Variants in CYYR1 observed in about 807,000 individuals in gnomAD.
CYYR1 encodes cysteine and tyrosine rich 1, also known as cysteine and tyrosine-rich protein 1.
Under a neutral mutation model 15.2 loss-of-function variants are expected in CYYR1, and 14 were observed. That is an observed-to-expected ratio of 0.92 (90% CI 0.61 to 1.44). CYYR1 has a LOEUF of 1.44. CYYR1 is among the 40% of genes most tolerant of loss of function. CYYR1 has a pLI of 0.00. For missense variants in CYYR1, 228 were observed against 209.5 expected, an observed-to-expected ratio of 1.09 and a Z score of -0.54; for synonymous variants, 80 against 77.4, an observed-to-expected ratio of 1.03 and a Z score of -0.18.
chr21:26,547,080 T>A (rs1338665606), intron 2 of CYYR1, among the ~76,000 whole-genome samples: 1 of 152,058 alleles, frequency 6.6e-6, no homozygotes, highest in Non-Finnish European at 1.5e-5. Context: ...AAGGACTCAT[T>A]TTTATTTTTC....
chr21:26,534,403 C>A (rs1225239084), intron 2 of CYYR1, among the ~76,000 whole-genome samples: 1 of 152,152 alleles, frequency 6.6e-6, no homozygotes, highest in East Asian at 1.9e-4. Context: ...TCTTGCCCCT[C>A]CTGATCTACT....
intron 2 of CYYR1, among the ~76,000 whole-genome samples, chr21:26,533,529 C>G (rs751145046): frequency 2.0e-5 from 3 of 152,090 alleles, no homozygotes; most frequent in Middle Eastern, 3.2e-3. Context: ...CCTTTTTGTT[C>G]TAGCTGTGCT....
At chr21:26,562,605 T>C (rs1055137896) in intron 2 of CYYR1, among the ~76,000 whole-genome samples, 1 of 152,154 alleles carries the variant, frequency 6.6e-6, no homozygotes, top group African/African-American at 2.4e-5. Flanking sequence ...TTTGACTTTG[T>C]ATGCTAGAGT....
At chr21:26,512,076 C>T (rs375533343) in intron 2 of CYYR1, among the ~76,000 whole-genome samples, 16 of 152,090 alleles carry the variant, frequency 1.1e-4, no homozygotes, top group South Asian at 1.0e-3. Context: ...TTTTTCCTCT[C>T]GTCTATTTCT....
chr21:26,506,871 C>A (rs1252954602), intron 2 of CYYR1: 1 of 152,000 alleles, frequency 6.6e-6, no homozygotes, highest in Non-Finnish European at 1.5e-5. Flanking sequence ...CCTTAGTGAC[C>A]AGAAACACAG....
intron 1 of CYYR1, chr21:26,568,395 A>G (rs1261808814): frequency 2.0e-5 from 3 of 152,204 alleles, no homozygotes; most frequent in Admixed American, 2.0e-4. Context: ...GGTGTTGGAT[A>G]ACCAGTTGGC....
At chr21:26,492,291 A>G (rs1023485040) in intron 2 of CYYR1, among the ~76,000 whole-genome samples, 1 of 152,194 alleles carries the variant, frequency 6.6e-6, no homozygotes, top group South Asian at 2.1e-4. Flanking sequence ...TGGCGTTGGG[A>G]ACCTACCTTT....
In CYYR1 at chr21:26,573,057, G is replaced by A; in HGVS notation, c.-117C>T. The A allele has an allele frequency of 6.3e-7, 1 of 1,576,848 alleles. No homozygotes were observed. Among genetic ancestry groups the A allele is most frequent in the Non-Finnish European group, 8.6e-7 (1 of 1,163,526 alleles). ...GCTCCTGAGAGCCGGGTGGAGCAGA[G>A]ACCCGGCCATTGCCTAGGGAGCCTT... On this transcript the variant is annotated 5_prime_UTR_variant, in exon 1 of 4. Transcript: ENST00000652641.
chr21:26,517,548 A>C (rs2065748408), intron 2 of CYYR1, among the ~76,000 whole-genome samples: 1 of 152,228 alleles, frequency 6.6e-6, no homozygotes, highest in Non-Finnish European at 1.5e-5. Context: ...TCCAAAATTC[A>C]AGAGAGCCCA....
intron 2 of CYYR1, among the ~76,000 whole-genome samples, chr21:26,510,835 A>G (rs563111092): frequency 3.3e-4 from 50 of 152,284 alleles, no homozygotes; most frequent in African/African-American, 1.1e-3. Flanking sequence ...ATGATATCCT[A>G]TTTGTCAGTG....
intron 2 of CYYR1, among the ~76,000 whole-genome samples, chr21:26,505,453 G>A (rs8128832): frequency 0.095 from 14,413 of 152,222 alleles, 923 homozygotes; most frequent in African/African-American, 0.19. Flanking sequence ...ACATTTCACA[G>A]TGTGACTGTG....
At chr21:26,552,170 A>G (rs1979439344) in intron 2 of CYYR1, 1 of 152,212 alleles carries the variant, frequency 6.6e-6, no homozygotes, top group Admixed American at 6.5e-5. Flanking sequence ...TGCACCCTTA[A>G]TAGACTACAG....
chr21:26,482,623 C>T (rs551885905), intron 2 of CYYR1: 27 of 436,676 alleles, frequency 6.2e-5, no homozygotes, highest in African/African-American at 5.8e-4. Flanking sequence ...TTTTTCAAGT[C>T]TTTGAATGCC....
At chr21:26,560,164 T>G (rs1209781486) in intron 2 of CYYR1, among the ~76,000 whole-genome samples, 1 of 152,226 alleles carries the variant, frequency 6.6e-6, no homozygotes, top group Non-Finnish European at 1.5e-5. Context: ...ATGCATATAT[T>G]ATTACTGGAT....
intron 2 of CYYR1, among the ~76,000 whole-genome samples, chr21:26,525,459 G>A (rs1466764106): frequency 3.9e-5 from 6 of 152,076 alleles, no homozygotes; most frequent in Non-Finnish European, 8.8e-5. Flanking sequence ...TTGAGCTGAG[G>A]ACTTTGGAAT....
chr21:26,573,286 C>T lies in CYYR1; in HGVS notation c.-346G>A, dbSNP rs554044979. On this transcript the variant is annotated 5_prime_UTR_variant, in exon 1 of 4. Coordinates refer to ENST00000652641, the MANE Select transcript of CYYR1 (RefSeq NM_001320768.2). ...TCATCTCCGCGGGTGGCAACGACTGCGGGCAGGGGGCGGGGGTGGCCCCGA... is the reference window on the plus strand; with the variant it reads ...TCATCTCCGCGGGTGGCAACGACTGTGGGCAGGGGGCGGGGGTGGCCCCGA... 44 of 1,285,940 alleles carry T rather than the reference C, an allele frequency of 3.4e-5. No individual in the cohort carries two copies. The East Asian group carries it at 1.8e-3, about 53-fold the overall frequency. 79.7% of individuals were successfully genotyped at this position (1,285,940 alleles called of 1,614,324 possible). A position where few individuals can be genotyped will look rare whatever the true frequency, so the allele number is the denominator to read the frequency against.
At chr21:26,502,302 CT>C (rs33974862) in intron 2 of CYYR1, among the ~76,000 whole-genome samples, 47,273 of 139,118 alleles carry the variant, frequency 0.34, 7,657 homozygotes, top group Non-Finnish European at 0.41. Context: ...TTGAGAACTG[CT>C]TTTTTTTTTT....
chr21:26,502,218 C>A (rs1051941824), intron 2 of CYYR1, among the ~76,000 whole-genome samples: 4 of 151,590 alleles, frequency 2.6e-5, no homozygotes, highest in African/African-American at 9.7e-5. Context: ...TTGAGTCAAG[C>A]CAAACAGATC....
chr21:26,485,348 T>G (rs2065236208), intron 2 of CYYR1, among the ~76,000 whole-genome samples: 1 of 152,072 alleles, frequency 6.6e-6, no homozygotes. Context: ...TAAGGTGTAT[T>G]TATAGTTCCA....
Sources: gnomAD v4.1 joint callset for allele counts (sites outside exome capture counted in the v4.1 genomes callset) on GRCh38, gnomAD v4.1.1 for gene constraint, MANE v1.5 for transcripts, NCBI Gene and HGNC (gene_info 2026-07-23, HGNC 2026-07-21) for gene names.